The following FHOD3 variants were observed in gnomAD, a reference collection of about 807,000 sequenced individuals.
The protein encoded by FHOD3 is formin homology 2 domain containing 3, also known as FH1/FH2 domain-containing protein 3.
FHOD3 carries 90 observed loss-of-function variants against 173.0 expected under a neutral mutation model. The observed-to-expected ratio is 0.52, with a 90% confidence interval of 0.44 to 0.62. FHOD3 has a LOEUF of 0.62. FHOD3 is among the 20% of genes least tolerant of loss of function. The pLI, the probability that FHOD3 is intolerant of heterozygous loss-of-function variation, is 0.00. For synonymous variants in FHOD3, 828 were observed against 823.0 expected (o/e 1.01, Z -0.10); for missense variants, 1,945 against 2,034.7 (o/e 0.96, Z 0.85).
intron 3 of FHOD3, among the ~76,000 whole-genome samples, chr18:36,483,814 C>T (rs750919207): frequency 6.6e-6 from 1 of 152,144 alleles, no homozygotes; most frequent in Non-Finnish European, 1.5e-5. Flanking sequence ...GAGCAGATGT[C>T]GATAGCAGGA....
At chr18:36,467,453 G>A (rs1322907233) in intron 3 of FHOD3, among the ~76,000 whole-genome samples, 1 of 152,032 alleles carries the variant, frequency 6.6e-6, no homozygotes, top group African/African-American at 2.4e-5. Flanking sequence ...TACCCTAGAA[G>A]CTCTCCAGCT....
At chr18:36,733,557 C>A (rs181914891) in intron 20 of FHOD3, among the ~76,000 whole-genome samples, 46 of 152,196 alleles carry the variant, frequency 3.0e-4, no homozygotes, top group Non-Finnish European at 6.0e-4. Flanking sequence ...TTGTTCTTTC[C>A]TGAAATGCAA....
intron 3 of FHOD3, among the ~76,000 whole-genome samples, chr18:36,448,628 C>A (rs913332864): frequency 6.6e-6 from 1 of 152,266 alleles, no homozygotes; most frequent in East Asian, 1.9e-4. Flanking sequence ...TTTGGACAGC[C>A]TTTTCCCCTG....
chr18:36,513,867 C>G (rs1473277865), intron 5 of FHOD3, among the ~76,000 whole-genome samples: 1 of 151,992 alleles, frequency 6.6e-6, no homozygotes, highest in Non-Finnish European at 1.5e-5. Context: ...TCTCACTTTG[C>G]TGACCCATGG....
intron 5 of FHOD3, among the ~76,000 whole-genome samples, chr18:36,560,827 TTTTTTTTTTTTTCTG>T (rs529621639): frequency 1.6e-4 from 2 of 12,886 alleles, no homozygotes; most frequent in Non-Finnish European, 3.8e-4. Context: ...AGAGCAGCTG[TTTTTTTTTTTTTCTG>T]TTTTTTTTTT....
intron 1 of FHOD3, among the ~76,000 whole-genome samples, chr18:36,308,147 G>A (rs1598646661): frequency 6.6e-6 from 1 of 152,162 alleles, no homozygotes; most frequent in East Asian, 1.9e-4. Flanking sequence ...TTGAACTATT[G>A]GAGGTTTAGG....
At chr18:36,454,326 G>T (rs774448814) in intron 3 of FHOD3, among the ~76,000 whole-genome samples, 1 of 152,034 alleles carries the variant, frequency 6.6e-6, no homozygotes, top group East Asian at 1.9e-4. Flanking sequence ...CACATATGGG[G>T]TTGTGCACAC....
chr18:36,527,737 C>T (rs2056592581), intron 5 of FHOD3, among the ~76,000 whole-genome samples: 5 of 152,138 alleles, frequency 3.3e-5, no homozygotes, highest in Admixed American at 3.3e-4. Flanking sequence ...AGATATACCA[C>T]CAGTGTGGTA....
chr18:36,738,281 A>G (rs1157824843), intron 20 of FHOD3, among the ~76,000 whole-genome samples: 2 of 152,262 alleles, frequency 1.3e-5, no homozygotes, highest in African/African-American at 4.8e-5. Context: ...TAAAGCTACT[A>G]CAAATATTCA....
intron 1 of FHOD3, among the ~76,000 whole-genome samples, chr18:36,332,390 A>G (rs1056400121): frequency 6.6e-6 from 1 of 152,202 alleles, no homozygotes; most frequent in African/African-American, 2.4e-5. Context: ...ACAGAGGCCT[A>G]GAGGGAAGGA....
At chr18:36,350,438 A>G (rs9958494) in intron 1 of FHOD3, among the ~76,000 whole-genome samples, 3,596 of 152,242 alleles carry the variant, frequency 0.024, 149 homozygotes, top group African/African-American at 0.082. Flanking sequence ...ATAGCCCTGT[A>G]ATGTTATCTT....
chr18:36,388,521 G>T (rs140391355), intron 3 of FHOD3, among the ~76,000 whole-genome samples: 38 of 152,308 alleles, frequency 2.5e-4, no homozygotes, highest in African/African-American at 8.7e-4. Context: ...TGCCCCAGGG[G>T]TCTTTTAGGA....
chr18:36,695,212 C>T (rs1024656371), intron 17 of FHOD3, among the ~76,000 whole-genome samples: 1 of 151,462 alleles, frequency 6.6e-6, no homozygotes, highest in African/African-American at 2.4e-5. Context: ...ATTAGCCGGG[C>T]GTGGTGGCGC....
intron 3 of FHOD3, among the ~76,000 whole-genome samples, chr18:36,424,383 G>A (rs915166836): frequency 5.3e-5 from 8 of 151,876 alleles, no homozygotes; most frequent in African/African-American, 1.2e-4. Flanking sequence ...TTTTAGCAAC[G>A]TGTATGTTGT....
At chr18:36,722,940 C>A (rs941668327) in intron 19 of FHOD3, among the ~76,000 whole-genome samples, 2 of 151,964 alleles carry the variant, frequency 1.3e-5, no homozygotes, top group African/African-American at 2.4e-5. Context: ...AGTTATTTAA[C>A]ATTCCCCTCA....
intron 27 of FHOD3, among the ~76,000 whole-genome samples, chr18:36,766,695 A>G (rs1436692096): frequency 6.6e-6 from 1 of 152,210 alleles, no homozygotes; most frequent in African/African-American, 2.4e-5. Context: ...TGAGTTGACA[A>G]TCTTGGACCT....
At chr18:36,327,179 G>C (rs2044715515) in intron 1 of FHOD3, among the ~76,000 whole-genome samples, 1 of 152,176 alleles carries the variant, frequency 6.6e-6, no homozygotes. Flanking sequence ...CCTCAACAAT[G>C]CTGAAATCAT....
intron 3 of FHOD3, among the ~76,000 whole-genome samples, chr18:36,408,153 A>G (rs1479208023): frequency 6.6e-6 from 1 of 152,220 alleles, no homozygotes; most frequent in African/African-American, 2.4e-5. Context: ...TGTCCTGTCC[A>G]TTCACCAGTC....
rs1050526539 is a variant in FHOD3, at chr18:36,672,417, G to A, written c.1836-9019G>A. Among the ~76,000 whole-genome samples the A allele has an allele frequency of 5.9e-5, 9 of 152,252 alleles. No homozygotes were observed. In the East Asian group the frequency reaches 1.2e-3, roughly 20 times the overall value. On this transcript the variant is annotated intron_variant, in intron 14 of 28. Coordinates refer to ENST00000590592, the MANE Select transcript of FHOD3 (RefSeq NM_001281740.3). ...AACTTGTGTTTGCAGTCAGCCGGTC[G>A]TTGATCATCTCATTTGATATCTAGC...
Sources: allele counts gnomAD v4.1 joint callset (sites outside exome capture counted in the v4.1 genomes callset), GRCh38; gene constraint gnomAD v4.1.1; transcripts MANE v1.5; gene names NCBI Gene and HGNC (gene_info 2026-07-23, HGNC 2026-07-21).